The following CRPPA variants were observed in gnomAD, a reference collection of about 807,000 sequenced individuals.
CRPPA encodes CDP-L-ribitol pyrophosphorylase A, also known as D-ribitol-5-phosphate cytidylyltransferase.
A neutral mutation model predicts 52.0 loss-of-function variants in CRPPA; 43 were observed. The ratio of observed to expected loss-of-function variants is 0.83; its 90% CI spans 0.65 to 1.07. CRPPA has a LOEUF of 1.07. Ranked by LOEUF, CRPPA falls within the 50% of genes least tolerant of loss-of-function variation. The pLI is 0.00. For synonymous variants in CRPPA, 250 were observed against 203.5 expected (o/e 1.23, Z -1.94); for missense variants, 629 against 551.7 (o/e 1.14, Z -1.40).
chr7:16,208,001 C>T (rs574426195), intron 9 of CRPPA, among the ~76,000 whole-genome samples: 2 of 152,276 alleles, frequency 1.3e-5, no homozygotes, highest in African/African-American at 2.4e-5. Context: ...TACCTTTCTA[C>T]AACCTCTGAG....
Position 16,232,165 on chromosome 7 carries a change from C to T in CRPPA, c.1120-15968G>A, listed in dbSNP as rs116792075. Among the ~76,000 whole-genome samples the T allele has an allele frequency of 8.9e-3, 1,349 of 152,284 alleles. 16 individuals carry two copies. Among genetic ancestry groups the T allele is most frequent in the African/African-American group, 0.031 (1,297 of 41,544 alleles). On this transcript the variant is annotated intron_variant, in intron 8 of 9. Transcript: ENST00000407010. Reference sequence around the variant, plus strand: ...GGCCTAGAAGGAACAGTACTCAATGCACACACAGGGTTGGAAAAATTGGCA... The same window carrying T: ...GGCCTAGAAGGAACAGTACTCAATGTACACACAGGGTTGGAAAAATTGGCA...
intron 9 of CRPPA, among the ~76,000 whole-genome samples, chr7:16,142,205 CTTTAGT>C (rs1429907284): frequency 1.3e-5 from 2 of 152,076 alleles, no homozygotes; most frequent in Non-Finnish European, 2.9e-5. Context: ...TTCTTCTTTT[CTTTAGT>C]TTTAATTTTA....
At chr7:16,150,338 T>C (rs1022618425) in intron 9 of CRPPA, among the ~76,000 whole-genome samples, 6 of 152,194 alleles carry the variant, frequency 3.9e-5, no homozygotes, top group African/African-American at 1.4e-4. Flanking sequence ...AAATATAACA[T>C]TTCCTGTCTA....
At chr7:16,226,225 T>C (rs1782648071) in intron 8 of CRPPA, among the ~76,000 whole-genome samples, 1 of 151,990 alleles carries the variant, frequency 6.6e-6, no homozygotes, top group South Asian at 2.1e-4. Flanking sequence ...TAACATCTTA[T>C]ACATATTTAT....
rs113463085 is a variant in CRPPA at position 16,197,572 on chromosome 7, G to A, written c.1251+18494C>T. On this transcript the variant is annotated intron_variant, in intron 9 of 9. Coordinates refer to ENST00000407010, the MANE Select transcript of CRPPA (RefSeq NM_001101426.4). ...GCTAATCTGAAACTCCTGGGCTCAC[G>A]CAATCCTTCCTGCCTCTGCCTCTGC... Among the ~76,000 whole-genome samples the A allele has an allele frequency of 2.8e-3, 428 of 151,730 alleles. 2 individuals are homozygous for A. Among genetic ancestry groups the A allele is most frequent in the African/African-American group, 9.6e-3 (395 of 41,342 alleles).
At chr7:16,197,768 AAAG>A (rs1487838855) in intron 9 of CRPPA, among the ~76,000 whole-genome samples, 3 of 150,620 alleles carry the variant, frequency 2.0e-5, no homozygotes, top group Non-Finnish European at 4.4e-5. Flanking sequence ...GTCTGTGTAG[AAAG>A]AAGTAGACAT....
intron 1 of CRPPA, among the ~76,000 whole-genome samples, chr7:16,416,620 A>C (rs1367342977): frequency 6.6e-6 from 1 of 152,012 alleles, no homozygotes; most frequent in Non-Finnish European, 1.5e-5. Context: ...GGATCACCTG[A>C]GCGCAGGAGC....
intron 9 of CRPPA, among the ~76,000 whole-genome samples, chr7:16,096,994 A>G (rs1781946679): frequency 6.6e-6 from 1 of 152,210 alleles, no homozygotes; most frequent in African/African-American, 2.4e-5. Context: ...AATTATTTTA[A>G]AATTTAGTTT....
At chr7:16,125,030 T>G (rs1432105703) in intron 9 of CRPPA, among the ~76,000 whole-genome samples, 1 of 150,654 alleles carries the variant, frequency 6.6e-6, no homozygotes, top group Non-Finnish European at 1.5e-5. Flanking sequence ...GAGGCAGAGG[T>G]GGGCAGATCA....
chr7:16,289,078 T>G (rs1323425828), intron 5 of CRPPA, among the ~76,000 whole-genome samples: 1 of 151,982 alleles, frequency 6.6e-6, no homozygotes, highest in African/African-American at 2.4e-5. Context: ...TATGAACAAC[T>G]ATATGCTGAT....
At chr7:16,134,545 G>C (rs1454335144) in intron 9 of CRPPA, among the ~76,000 whole-genome samples, 1 of 152,196 alleles carries the variant, frequency 6.6e-6, no homozygotes, top group Non-Finnish European at 1.5e-5. Context: ...CAGTAGGTTA[G>C]TAGTCAAGTT....
chr7:16,125,573 A>T (rs1312665579), intron 9 of CRPPA, among the ~76,000 whole-genome samples: 1 of 152,096 alleles, frequency 6.6e-6, no homozygotes, highest in African/African-American at 2.4e-5. Flanking sequence ...GACATGGTAT[A>T]CTCTCAATTG....
Position 16,255,142 on chromosome 7 carries a change from CA to C in CRPPA, c.1119+3247del, listed in dbSNP as rs537271465. ...AAAAATCACAAGCATTCCTATATAC[CA>C]ATATCAGACAAATAGAGAGCCAAAT... is the stretch of plus-strand genomic sequence containing the variant. On this transcript the variant is annotated intron_variant, in intron 8 of 9. Coordinates refer to ENST00000407010, the MANE Select transcript of CRPPA (RefSeq NM_001101426.4). 3.3e-5 allele frequency among the ~76,000 whole-genome samples: 5 copies of C among 152,158 alleles called. No individual in the cohort carries two copies. In the South Asian group the frequency reaches 1.0e-3, roughly 32 times the overall value.
At chr7:16,208,894 G>A in intron 9 of CRPPA, 1 of 250,546 alleles carries the variant, frequency 4.0e-6, no homozygotes, top group South Asian at 4.8e-5. Flanking sequence ...TTTGGACTTA[G>A]AATGAATAGA....
Position 16,402,955 on chromosome 7 carries a change from G to T in CRPPA, c.534+3106C>A, listed in dbSNP as rs573715719. On this transcript the variant is annotated intron_variant, in intron 2 of 9. Coordinates refer to ENST00000407010, the MANE Select transcript of CRPPA (RefSeq NM_001101426.4). ...TAAAGGACAATAAATCCAAAGCAAG[G>T]GAAAAAGTCTATACAGACACATCAC... is the stretch of plus-strand genomic sequence containing the variant. Among the ~76,000 whole-genome samples, 227 of 151,820 alleles carry T rather than the reference G, an allele frequency of 1.5e-3. 1 individual carries two copies. The highest frequency in any genetic ancestry group is 5.4e-3 in the African/African-American group (222 of 41,416).
chr7:16,402,351 T>C (rs571471921), intron 2 of CRPPA, among the ~76,000 whole-genome samples: 29 of 152,308 alleles, frequency 1.9e-4, no homozygotes, highest in African/African-American at 6.7e-4. Context: ...CCCTGGGATT[T>C]CTGGCAGAAG....
Position 16,186,630 on chromosome 7 carries a change from T to C in CRPPA, c.1251+29436A>G, listed in dbSNP as rs558496823. Among the ~76,000 whole-genome samples the C allele has an allele frequency of 1.7e-3, 252 of 152,344 alleles. 1 individual carries two copies. Among genetic ancestry groups the C allele is most frequent in the Non-Finnish European group, 2.5e-3 (171 of 68,030 alleles). ...TTTCAAGAAAAATAAATGTTACAAA[T>C]GATAGGCTACTTAGTCAAATCAAAA... On this transcript the variant is annotated intron_variant, in intron 9 of 9. Coordinates refer to ENST00000407010, the MANE Select transcript of CRPPA (RefSeq NM_001101426.4).
At chr7:16,139,206 C>A (rs1396367433) in intron 9 of CRPPA, among the ~76,000 whole-genome samples, 1 of 152,182 alleles carries the variant, frequency 6.6e-6, no homozygotes, top group African/African-American at 2.4e-5. Context: ...GAGGTGGAAA[C>A]AGTAGTCTAG....
chr7:16,111,412 A>C (rs1335264499), intron 9 of CRPPA, among the ~76,000 whole-genome samples: 5 of 152,164 alleles, frequency 3.3e-5, no homozygotes, highest in Admixed American at 1.3e-4. Context: ...CTGAAATCCC[A>C]CTTCTGGATA....
Sources: allele counts gnomAD v4.1 joint callset (sites outside exome capture counted in the v4.1 genomes callset), GRCh38; gene constraint gnomAD v4.1.1; transcripts MANE v1.5; gene names NCBI Gene and HGNC (gene_info 2026-07-23, HGNC 2026-07-21).